PHLPP1: variants seen among roughly 807,000 people sequenced by gnomAD.
PHLPP1 encodes PH domain leucine-rich repeat-containing protein phosphatase 1.
PHLPP1 carries 42 observed loss-of-function variants against 117.2 expected under a neutral mutation model. That is an observed-to-expected ratio of 0.36 (90% CI 0.28 to 0.46). The LOEUF (loss-of-function observed/expected upper bound fraction) is 0.46, where lower values mean the gene tolerates loss of function less well. Among genes scored for constraint, PHLPP1 ranks in the 20% least tolerant of loss-of-function variants. PHLPP1 has a pLI of 1.00. For synonymous variants in PHLPP1, 1,042 were observed against 970.7 expected (o/e 1.07, Z -1.37); for missense variants, 2,084 against 2,241.9 (o/e 0.93, Z 1.42).
chr18:62,931,447 A>G (rs1213827735), intron 10 of PHLPP1, among the ~76,000 whole-genome samples: 1 of 152,054 alleles, frequency 6.6e-6, no homozygotes, highest in African/African-American at 2.4e-5. Context: ...AAAACAGAAC[A>G]CACTAAACCC....
chr18:62,789,697 A>G (rs1260867804), intron 1 of PHLPP1, among the ~76,000 whole-genome samples: 1 of 151,998 alleles, frequency 6.6e-6, no homozygotes, highest in Non-Finnish European at 1.5e-5. Flanking sequence ...TTGTTTCTTT[A>G]TGCTGCAAAT....
rs1389253563 is a variant in PHLPP1, at chr18:62,724,466, G to T, written c.1576+7207G>T. ...TTTAGGATGTTGTAGAGATAATTTAGTCCAACATCTGTATTTTTATAGATG... is the reference window on the plus strand; with the variant it reads ...TTTAGGATGTTGTAGAGATAATTTATTCCAACATCTGTATTTTTATAGATG... On this transcript the variant is annotated intron_variant, in intron 1 of 16. Transcript: ENST00000262719. Among the ~76,000 whole-genome samples the T allele has an allele frequency of 2.6e-5, 4 of 152,282 alleles. No individual in the cohort carries two copies. In the East Asian group the frequency reaches 7.7e-4, roughly 29 times the overall value.
chr18:62,895,995 A>G lies in PHLPP1; in HGVS notation c.2428A>G (p.Lys810Glu). 6.2e-7 allele frequency: 1 copy of G among 1,606,006 alleles called. No homozygotes were observed. The highest frequency in any genetic ancestry group is 8.5e-7 in the Non-Finnish European group (1 of 1,172,722). Residue 810 changes from lysine to glutamate, a missense_variant, in exon 6 of 17, where the codon AAA becomes GAA. Transcript: ENST00000262719. ...LQALRKMPHIKHVDLRLNVIR... is the reference protein window; with the variant it reads ...LQALRKMPHIEHVDLRLNVIR... ...GGCTTTAAGAAAAATGCCTCACATTAAACATGTGGATCTAAGGTAACCATT... is the reference window on the plus strand; with the variant it reads ...GGCTTTAAGAAAAATGCCTCACATTGAACATGTGGATCTAAGGTAACCATT...
At chr18:62,806,964 TG>T (rs1174554587) in intron 1 of PHLPP1, among the ~76,000 whole-genome samples, 2 of 152,208 alleles carry the variant, frequency 1.3e-5, no homozygotes, top group Non-Finnish European at 2.9e-5. Flanking sequence ...TAAATCAGTA[TG>T]TTATTCAAAA....
At chr18:62,867,861 G>A (rs1308379782) in intron 4 of PHLPP1, among the ~76,000 whole-genome samples, 2 of 151,944 alleles carry the variant, frequency 1.3e-5, no homozygotes, top group Non-Finnish European at 2.9e-5. Context: ...GTCCAGGCTG[G>A]AGCGCAGTGG....
At chr18:62,852,091 G>A (rs1180999053) in intron 3 of PHLPP1, among the ~76,000 whole-genome samples, 1 of 150,672 alleles carries the variant, frequency 6.6e-6, no homozygotes, top group Non-Finnish European at 1.5e-5. Flanking sequence ...TGTTGTCTGG[G>A]CTGGCCTCAA....
rs1296214338 is a variant in PHLPP1, at chr18:62,979,845, G to C, written c.*414G>C. On this transcript the variant is annotated 3_prime_UTR_variant, in exon 17 of 17. Transcript: ENST00000262719. ...TTCTGTATTTCTTTGGGGGGAAAAG[G>C]CTTTTGTTTTGTTTTGTTTTGTTTT... The C allele has an allele frequency of 4.5e-5, 7 of 156,886 alleles. No homozygotes were observed. The highest frequency in any genetic ancestry group is 1.6e-4 in the African/African-American group (6 of 36,382). 9.7% of individuals were successfully genotyped at this position (156,886 alleles called of 1,614,324 possible). A position where few individuals can be genotyped will look rare whatever the true frequency, so the allele number is the denominator to read the frequency against.
In PHLPP1 at chr18:62,716,734, A is replaced by G. The variant is rs776201614; in HGVS notation, c.1051A>G (p.Ser351Gly). ...RPVVSDTESF[S>G]LSPSAESVSD... ...TGTGGTCTCCGACACCGAGAGCTTC[A>G]GTCTGAGTCCCAGCGCCGAGAGCGT... Residue 351 changes from serine (S) to glycine (G), a missense_variant, in exon 1 of 17, where the codon AGT becomes GGT. Ser to Gly is a moderately conservative substitution (Grantham distance 56, BLOSUM62 0). Around this residue, in one of 2 missense-constraint regions of PHLPP1, gnomAD observed 719 missense variants for 636.0 expected, o/e 1.13. Transcript: ENST00000262719. This position sits in a 1 kb window ranked among gnomAD's most constrained non-coding sequence, Gnocchi z 5.7. The G allele has an allele frequency of 6.6e-7, 1 of 1,508,218 alleles. No individual in the cohort carries two copies. Among genetic ancestry groups the G allele is most frequent in the South Asian group, 1.2e-5 (1 of 81,364 alleles). 93.4% of individuals were successfully genotyped at this position (1,508,218 alleles called of 1,614,324 possible). A position where few individuals can be genotyped will look rare whatever the true frequency, so the allele number is the denominator to read the frequency against.
chr18:62,829,539 G>T (rs966594741), intron 1 of PHLPP1, among the ~76,000 whole-genome samples: 9 of 152,102 alleles, frequency 5.9e-5, no homozygotes, highest in African/African-American at 2.2e-4. Context: ...ATCACCTGAG[G>T]TCGGGAATTT....
chr18:62,777,430 C>T (rs1414597704), intron 1 of PHLPP1, among the ~76,000 whole-genome samples: 1 of 151,322 alleles, frequency 6.6e-6, no homozygotes, highest in Non-Finnish European at 1.5e-5. Flanking sequence ...GGATATTAGT[C>T]CTTGTTAGGT....
intron 1 of PHLPP1, chr18:62,731,176 G>T (rs1300386763): frequency 6.6e-6 from 1 of 151,906 alleles, no homozygotes; most frequent in African/African-American, 2.4e-5. Flanking sequence ...GTCATATTTT[G>T]GTGAGTCTTG....
chr18:62,937,284 C>T (rs997461083), intron 10 of PHLPP1, among the ~76,000 whole-genome samples: 2 of 152,230 alleles, frequency 1.3e-5, no homozygotes, highest in Non-Finnish European at 2.9e-5. Flanking sequence ...GGGTGACTTT[C>T]CAAACACTTT....
intron 12 of PHLPP1, among the ~76,000 whole-genome samples, chr18:62,947,339 C>T (rs1255176623): frequency 1.3e-5 from 2 of 152,228 alleles, no homozygotes; most frequent in African/African-American, 2.4e-5. Context: ...TTAATCAACA[C>T]ATGCCCTCAA....
Position 62,942,061 on chromosome 18 carries a change from A to C in PHLPP1, c.3161+143A>C, listed in dbSNP as rs1910146407. The C allele has an allele frequency of 4.7e-6, 3 of 632,870 alleles. No individual in the cohort carries two copies. The Admixed American group carries it at 9.7e-5, about 20-fold the overall frequency. The allele number at this position is 632,870 out of a possible 1,614,324, so 39.2% of individuals were successfully genotyped here. A position where few individuals can be genotyped will look rare whatever the true frequency, so the allele number is the denominator to read the frequency against. On this transcript the variant is annotated intron_variant, in intron 11 of 16. Transcript: ENST00000262719. ...CTCCCTTCACAGTTTCCTTTATGTA[A>C]GCTATGATGACATTTCCCTAAAGAG... is the stretch of plus-strand genomic sequence containing the variant.
intron 4 of PHLPP1, among the ~76,000 whole-genome samples, chr18:62,864,932 C>T (rs540309768): frequency 2.2e-4 from 33 of 152,310 alleles, no homozygotes; most frequent in Admixed American, 3.9e-4. Flanking sequence ...CATAATTTTT[C>T]TGTCTTCAGT....
In PHLPP1 at chr18:62,830,064, C is replaced by A. The variant is rs369896541; in HGVS notation, c.1606C>A (p.Arg536=). The A allele has an allele frequency of 5.0e-6, 8 of 1,613,106 alleles. No homozygotes were observed. The highest frequency in any genetic ancestry group is 6.8e-6 in the Non-Finnish European group (8 of 1,179,438). The part of the protein sequence containing the change: ...GKPHSTGSSE[R]IQLSGMYNVR... ...ACCTCACAGCACGGGTAGCTCTGAA[C>A]GGATTCAGCTCTCAGGAATGTATAA... Residue 536 remains arginine (R), a synonymous_variant, in exon 2 of 17, where the codon CGG becomes AGG. Transcript: ENST00000262719.
At position 62,871,640 on chromosome 18, in the gene PHLPP1, G is replaced by GA. The variant is rs778318632; in HGVS notation, c.2066+11043dup. On this transcript the variant is annotated intron_variant, in intron 4 of 16. Transcript: ENST00000262719. ...ACCACGCCTGGCCAAATTTAGCTCT[G>GA]AAAATTTTTTTTTTTTTTTTTTTTT... Among the ~76,000 whole-genome samples the GA allele has an allele frequency of 5.3e-3, 715 of 134,852 alleles. 11 individuals carry two copies. Among genetic ancestry groups the GA allele is most frequent in the African/African-American group, 0.019 (677 of 36,062 alleles). 88.5% of individuals were successfully genotyped at this position (134,852 alleles called of 152,430 possible).
chr18:62,857,624 G>A (rs185099681), intron 3 of PHLPP1, among the ~76,000 whole-genome samples: 34 of 152,064 alleles, frequency 2.2e-4, no homozygotes, highest in Admixed American at 4.6e-4. Flanking sequence ...AAGGATTTGG[G>A]GCAAAAAACA....
At chr18:62,905,365 T>G (rs1381304712) in intron 8 of PHLPP1, 81 bp downstream of exon 8, 1 of 622,602 alleles carries the variant, frequency 1.6e-6, no homozygotes, top group Non-Finnish European at 2.5e-6. Context: ...GCACAAGTAC[T>G]TTTTAATATT....
Sources: allele counts gnomAD v4.1 joint callset (sites outside exome capture counted in the v4.1 genomes callset), GRCh38; gene constraint gnomAD v4.1.1; regional missense constraint gnomAD v4.1.1; non-coding constraint Gnocchi (gnomAD v3.1); transcripts MANE v1.5; gene names NCBI Gene and HGNC (gene_info 2026-07-23, HGNC 2026-07-21).